HAPLN1: variants seen among roughly 807,000 people sequenced by gnomAD.
HAPLN1 encodes the protein hyaluronan and proteoglycan link protein 1.
Under a neutral mutation model 36.5 loss-of-function variants are expected in HAPLN1, and 13 were observed. The ratio of observed to expected loss-of-function variants is 0.36; its 90% CI spans 0.23 to 0.57. HAPLN1 has a LOEUF of 0.57. Ranked by LOEUF, HAPLN1 falls within the 20% of genes least tolerant of loss-of-function variation. HAPLN1 has a pLI of 0.83. For synonymous variants in HAPLN1, 202 were observed against 169.8 expected, an observed-to-expected ratio of 1.19 and a Z score of -1.48; for missense variants, 407 against 439.7, an observed-to-expected ratio of 0.93 and a Z score of 0.66.
intron 1 of HAPLN1, chr5:83,674,915 G>A (rs1453894567): frequency 6.6e-6 from 1 of 152,152 alleles, no homozygotes; most frequent in Admixed American, 6.5e-5. Flanking sequence ...AGTCTTTCAC[G>A]TTTGCTTTAA....
chr5:83,656,327 C>CAAAAAAAA (rs35902132), intron 2 of HAPLN1, among the ~76,000 whole-genome samples: 6 of 59,782 alleles, frequency 1.0e-4, no homozygotes, highest in African/African-American at 6.9e-5. Flanking sequence ...GACTACGTCT[C>CAAAAAAAA]AAAAAAAAAA....
At chr5:83,649,898 C>T (rs1750004245) in intron 3 of HAPLN1, among the ~76,000 whole-genome samples, 1 of 152,136 alleles carries the variant, frequency 6.6e-6, no homozygotes. Flanking sequence ...TGAATGTCCT[C>T]AAGTAGATCA....
intron 2 of HAPLN1, 27 bp from the exon 3 acceptor site, chr5:83,652,851 A>C (rs768968964): frequency 3.4e-5 from 51 of 1,514,680 alleles, no homozygotes; most frequent in Non-Finnish European, 4.3e-5. Flanking sequence ...AAAAAAAAAG[A>C]AAATAACTAT....
chr5:83,639,184 T>C lies in HAPLN1; in HGVS notation c.*2312A>G, dbSNP rs980763459. The C allele has an allele frequency of 1.3e-5, 2 of 152,060 alleles. No homozygotes were observed. Among genetic ancestry groups the C allele is most frequent in the African/African-American group, 2.4e-5 (1 of 41,442 alleles). 9.4% of individuals were successfully genotyped at this position (152,060 alleles called of 1,614,324 possible). ...AAAATGAGAACATTAAAAAGACTCA[T>C]TCAAGTATGAGTATAAAGGGCATGG... On this transcript the variant is annotated 3_prime_UTR_variant, in exon 5 of 5. Coordinates refer to ENST00000274341, the MANE Select transcript of HAPLN1 (RefSeq NM_001884.4).
chr5:83,706,579 C>T (rs1751658301), intron 1 of HAPLN1, among the ~76,000 whole-genome samples: 1 of 152,076 alleles, frequency 6.6e-6, no homozygotes, highest in Non-Finnish European at 1.5e-5. Context: ...GGGAACATAC[C>T]TCAAAATAGT....
chr5:83,672,879 C>T (rs960822172), intron 2 of HAPLN1, among the ~76,000 whole-genome samples: 3 of 152,208 alleles, frequency 2.0e-5, no homozygotes, highest in Non-Finnish European at 2.9e-5. Context: ...AATCCTGCTA[C>T]AGCTCTCAGG....
intron 2 of HAPLN1, among the ~76,000 whole-genome samples, chr5:83,661,028 AG>A (rs1224542313): frequency 6.6e-6 from 1 of 152,144 alleles, no homozygotes; most frequent in Admixed American, 6.5e-5. Context: ...CTCTTCCAGA[AG>A]GCAGTTCCTA....
At chr5:83,705,775 C>G (rs554676776) in intron 1 of HAPLN1, among the ~76,000 whole-genome samples, 4 of 151,880 alleles carry the variant, frequency 2.6e-5, no homozygotes, top group African/African-American at 4.8e-5. Flanking sequence ...AAAAGATAAA[C>G]AAATCCAGGA....
intron 3 of HAPLN1, among the ~76,000 whole-genome samples, chr5:83,647,704 A>G (rs1160860556): frequency 2.0e-5 from 3 of 152,220 alleles, no homozygotes; most frequent in Non-Finnish European, 4.4e-5. Context: ...AGGTGGTATG[A>G]TTGTCCAAGG....
At chr5:83,680,348 A>G (rs1392580179) in intron 1 of HAPLN1, among the ~76,000 whole-genome samples, 1 of 152,208 alleles carries the variant, frequency 6.6e-6, no homozygotes, top group Non-Finnish European at 1.5e-5. Flanking sequence ...GCCTTTAATC[A>G]AATATTTAGG....
intron 2 of HAPLN1, 133 bp from the exon 3 acceptor site, chr5:83,652,957 T>G: frequency 1.1e-6 from 1 of 880,062 alleles, no homozygotes; most frequent in Non-Finnish European, 1.7e-6. Context: ...CTCTACGTAA[T>G]CTCTTTTGAA....
At chr5:83,700,193 C>CAAAAAA (rs58457969) in intron 1 of HAPLN1, among the ~76,000 whole-genome samples, 3 of 99,258 alleles carry the variant, frequency 3.0e-5, no homozygotes, top group Non-Finnish European at 4.0e-5. Flanking sequence ...GACTCCATCT[C>CAAAAAA]AAAAAAAAAA....
At chr5:83,696,523 A>G (rs1751391401) in intron 1 of HAPLN1, among the ~76,000 whole-genome samples, 1 of 152,184 alleles carries the variant, frequency 6.6e-6, no homozygotes, top group Non-Finnish European at 1.5e-5. Flanking sequence ...TTTAAGATTT[A>G]TAATAAAGTT....
chr5:83,681,524 T>A (rs773616926), intron 1 of HAPLN1, among the ~76,000 whole-genome samples: 3 of 152,154 alleles, frequency 2.0e-5, no homozygotes, highest in Non-Finnish European at 4.4e-5. Context: ...TAATGAATTT[T>A]TTTTTTGAGA....
chr5:83,696,663 T>G (rs1416391302), intron 1 of HAPLN1, among the ~76,000 whole-genome samples: 1 of 152,078 alleles, frequency 6.6e-6, no homozygotes, highest in African/African-American at 2.4e-5. Flanking sequence ...TTTCTACCAA[T>G]AGATTGAATA....
chr5:83,682,569 A>C (rs1005203907), intron 1 of HAPLN1: 1 of 152,166 alleles, frequency 6.6e-6, no homozygotes, highest in Non-Finnish European at 1.5e-5. Flanking sequence ...GAGTCTTTTC[A>C]GGTATCTTCC....
At chr5:83,652,243 T>C (rs1050339897) in intron 3 of HAPLN1, 11 of 466,826 alleles carry the variant, frequency 2.4e-5, no homozygotes, top group Non-Finnish European at 3.8e-5. Context: ...TACAAATAGC[T>C]TCAATTTTGC....
chr5:83,714,584 C>T (rs1225231892), intron 1 of HAPLN1, among the ~76,000 whole-genome samples: 1 of 152,062 alleles, frequency 6.6e-6, no homozygotes, highest in Non-Finnish European at 1.5e-5. Flanking sequence ...ACTGTACTTA[C>T]ATACCTGAGA....
chr5:83,642,633 C>G (rs778155996), intron 4 of HAPLN1, among the ~76,000 whole-genome samples: 19 of 152,060 alleles, frequency 1.2e-4, no homozygotes, highest in Non-Finnish European at 2.6e-4. Context: ...AGTTTTAGGT[C>G]GAATCTAATC....
Sources: allele counts gnomAD v4.1 joint callset (sites outside exome capture counted in the v4.1 genomes callset), GRCh38; gene constraint gnomAD v4.1.1; transcripts MANE v1.5; gene names NCBI Gene and HGNC (gene_info 2026-07-23, HGNC 2026-07-21).